The following TTK variants were observed in gnomAD, a reference collection of about 807,000 sequenced individuals.
TTK encodes dual specificity protein kinase TTK.
In TTK, 59 loss-of-function variants were observed where a neutral mutation model predicts 117.3. The observed-to-expected ratio is 0.50, with a 90% confidence interval of 0.41 to 0.62. The LOEUF (loss-of-function observed/expected upper bound fraction) is 0.62, where lower values mean the gene tolerates loss of function less well. Ranked by LOEUF, TTK falls within the 20% of genes least tolerant of loss-of-function variation. The probability of loss-of-function intolerance (pLI) is 0.00; values close to 1 mark genes in which losing one functional copy is unlikely to be tolerated. For missense variants in TTK, 921 were observed against 989.4 expected, an observed-to-expected ratio of 0.93 and a Z score of 0.93; for synonymous variants, 302 against 325.0, an observed-to-expected ratio of 0.93 and a Z score of 0.76.
intron 20 of TTK, 109 bp downstream of exon 20, chr6:80,040,389 GC>G: frequency 9.9e-7 from 1 of 1,014,210 alleles, no homozygotes; most frequent in Non-Finnish European, 1.4e-6. Flanking sequence ...TTGTCAGCCT[GC>G]CTTTTTCCTT....
intron 13 of TTK, among the ~76,000 whole-genome samples, chr6:80,030,755 T>G (rs1767736422): frequency 6.6e-6 from 1 of 152,202 alleles, no homozygotes; most frequent in Admixed American, 6.5e-5. Flanking sequence ...GGAATTACAA[T>G]TTGACATGAA....
rs1191280219 is a variant in TTK at position 80,027,988 on chromosome 6, G to A, written c.1498G>A (p.Ala500Thr). The A allele has an allele frequency of 6.2e-7, 1 of 1,602,106 alleles. No individual in the cohort carries two copies. The highest frequency in any genetic ancestry group is 8.5e-7 in the Non-Finnish European group (1 of 1,173,742). The change falls in exon 13 of 22, where the codon GCC becomes ACC. Residue 500 changes from alanine (A) to threonine (T), a missense_variant. Ala to Thr is a moderately conservative substitution (Grantham distance 58). Transcript: ENST00000369798. ...CFQQQQHQIL[A>T]TPLQNLQVLA... ...CCAGCAGCAACAGCATCAAATACTTGCCACTCCACTTCAAAATTTACAGGT... is the reference window on the plus strand; with the variant it reads ...CCAGCAGCAACAGCATCAAATACTTACCACTCCACTTCAAAATTTACAGGT...
chr6:80,013,263 GT>G lies in TTK; in HGVS notation c.897-13del. ...TCAAATTTAATGTTAAAATTATTTT[GT>G]TTCACGGGTAAAAGACAAACCTCTA... On this transcript the variant is annotated splice_polypyrimidine_tract_variant and intron_variant, in intron 8 of 21. Transcript: ENST00000369798. 3.2e-6 allele frequency: 5 copies of G among 1,560,356 alleles called. No homozygotes were observed. Among genetic ancestry groups the G allele is most frequent in the Non-Finnish European group, 4.3e-6 (5 of 1,158,986 alleles).
At chr6:80,017,041 A>G (rs1478569498) in intron 10 of TTK, among the ~76,000 whole-genome samples, 3 of 152,128 alleles carry the variant, frequency 2.0e-5, no homozygotes, top group Admixed American at 6.5e-5. Context: ...ATATTTCCAT[A>G]TTTTTTAGAT....
In TTK at chr6:80,035,281, G is replaced by C. The variant is rs767471019; in HGVS notation, c.1788G>C (p.Gln596His). The change falls in exon 16 of 22, where the codon CAG (glutamine) becomes CAC (histidine). Residue 596 changes from glutamine (Q) to histidine (H), a missense_variant. Transcript: ENST00000369798. ...IRLYDYEITD[Q>H]YIYMVMECGN... ...TTAATTGCAGTGAAATCACGGACCA[G>C]TACATCTACATGGTAATGGAGTGTG... 17 of 1,601,882 alleles carry C rather than the reference G, an allele frequency of 1.1e-5. No individual in the cohort carries two copies. Among genetic ancestry groups the C allele is most frequent in the Non-Finnish European group, 1.4e-5 (16 of 1,176,432 alleles).
At chr6:80,029,773 T>C (rs1238372538) in intron 13 of TTK, among the ~76,000 whole-genome samples, 1 of 152,158 alleles carries the variant, frequency 6.6e-6, no homozygotes, top group Non-Finnish European at 1.5e-5. Flanking sequence ...CTAACCACAG[T>C]GAGTAGGGCA....
chr6:80,007,579 T>C (rs1440615578), intron 2 of TTK, among the ~76,000 whole-genome samples: 2 of 152,104 alleles, frequency 1.3e-5, no homozygotes, highest in African/African-American at 4.8e-5. Flanking sequence ...ATGTTTTCTT[T>C]CCTTCAAAAT....
intron 14 of TTK, among the ~76,000 whole-genome samples, chr6:80,033,845 C>T (rs75292385): frequency 6.6e-6 from 1 of 152,026 alleles, no homozygotes; most frequent in Non-Finnish European, 1.5e-5. Flanking sequence ...AATTTAATTG[C>T]TTTCGTAGAA....
intron 2 of TTK, among the ~76,000 whole-genome samples, chr6:80,006,946 A>G (rs1767009790): frequency 6.6e-6 from 1 of 152,206 alleles, no homozygotes. Context: ...AGAAGGAATA[A>G]TAGCTTCTCT....
At chr6:80,018,693 C>T (rs1767379687) in intron 10 of TTK, among the ~76,000 whole-genome samples, 1 of 150,762 alleles carries the variant, frequency 6.6e-6, no homozygotes, top group Admixed American at 6.6e-5. Context: ...CTTTTCTATG[C>T]CTTGTTATAA....
At chr6:80,012,888 C>G (rs1353000360) in intron 8 of TTK, among the ~76,000 whole-genome samples, 1 of 152,058 alleles carries the variant, frequency 6.6e-6, no homozygotes, top group Non-Finnish European at 1.5e-5. Context: ...TTTCTTGGTT[C>G]CTGTTATCGA....
intron 17 of TTK, 72 bp from the exon 18 acceptor site, chr6:80,037,895 A>G: frequency 1.4e-6 from 1 of 695,734 alleles, no homozygotes; most frequent in Non-Finnish European, 2.1e-6. Context: ...TAATAATAAT[A>G]ATCTCAAAAA....
intron 4 of TTK, among the ~76,000 whole-genome samples, chr6:80,009,571 AC>A (rs1251554077): frequency 6.6e-6 from 1 of 152,078 alleles, no homozygotes; most frequent in East Asian, 1.9e-4. Flanking sequence ...CTCAATAACA[AC>A]CATAAATTTT....
chr6:80,017,652 C>T (rs1288077704), intron 10 of TTK, among the ~76,000 whole-genome samples: 1 of 152,106 alleles, frequency 6.6e-6, no homozygotes, highest in East Asian at 1.9e-4. Context: ...TGAAAATTCA[C>T]GACTATTTTG....
At chr6:80,014,619 T>A in intron 10 of TTK, 33 bp downstream of exon 10, 1 of 1,552,506 alleles carries the variant, frequency 6.4e-7, no homozygotes, top group Non-Finnish European at 8.7e-7. Context: ...ACTTGTATGT[T>A]TAGTTAAGAA....
chr6:80,014,708 G>C (rs950193397), intron 10 of TTK, 122 bp downstream of exon 10: 12 of 1,068,242 alleles, frequency 1.1e-5, no homozygotes, highest in Non-Finnish European at 9.1e-6. Context: ...CTTTTATCTT[G>C]AATTTCCGTT....
intron 3 of TTK, 74 bp from the exon 4 acceptor site, chr6:80,008,312 A>G: frequency 7.0e-7 from 1 of 1,429,316 alleles, no homozygotes; most frequent in Non-Finnish European, 9.5e-7. Context: ...TTTTTGGAAA[A>G]TTGAATGAAG....
intron 4 of TTK, among the ~76,000 whole-genome samples, chr6:80,009,023 TCTTGCTCA>T (rs1239006943): frequency 1.3e-5 from 2 of 151,262 alleles, no homozygotes; most frequent in East Asian, 3.9e-4. Flanking sequence ...AGAAACTATT[TCTTGCTCA>T]CTTGGTTCTT....
chr6:80,007,966 C>G lies in TTK; in HGVS notation c.297C>G (p.Pro99=), dbSNP rs768306818. 7.4e-6 allele frequency: 12 copies of G among 1,613,352 alleles called. 1 individual carries two copies. The South Asian group carries it at 1.3e-4, about 18-fold the overall frequency. Residue 99 remains proline, a synonymous_variant, in exon 3 of 22, where the codon CCC becomes CCG. Coordinates refer to ENST00000369798, the MANE Select transcript of TTK (RefSeq NM_003318.5). The part of the protein sequence containing the change: ...GRYSQAIEAL[P]PDKYGQNESF... ...ACAGTCAAGCAATTGAAGCGCTTCC[C>G]CCAGATAAATATGGCCAAAATGAGA... is the stretch of plus-strand genomic sequence containing the variant.
Sources: allele counts gnomAD v4.1 joint callset (sites outside exome capture counted in the v4.1 genomes callset), GRCh38; gene constraint gnomAD v4.1.1; transcripts MANE v1.5; gene names NCBI Gene and HGNC (gene_info 2026-07-23, HGNC 2026-07-21).